ZC3H7B: variants seen among roughly 807,000 people sequenced by gnomAD.
ZC3H7B encodes the protein zinc finger CCCH-type containing 7B, also known as zinc finger CCCH domain-containing protein 7B.
In ZC3H7B, 35 loss-of-function variants were observed where a neutral mutation model predicts 116.0. That is an observed-to-expected ratio of 0.30 (90% CI 0.23 to 0.40). ZC3H7B has a LOEUF of 0.40. Ranked by LOEUF, ZC3H7B falls within the 10% of genes least tolerant of loss-of-function variation. ZC3H7B has a pLI of 1.00. For synonymous variants in ZC3H7B, 502 were observed against 545.6 expected (o/e 0.92, Z 1.11); for missense variants, 1,011 against 1,321.5 (o/e 0.77, Z 3.64).
intron 12 of ZC3H7B, 31 bp downstream of exon 12, chr22:41,342,659 T>A: frequency 2.5e-6 from 4 of 1,573,996 alleles, no homozygotes; most frequent in Non-Finnish European, 2.6e-6. Flanking sequence ...TCCACCCCTC[T>A]GCCCAGAGAA....
chr22:41,351,736 A>G lies in ZC3H7B; in HGVS notation c.2034+90A>G. On this transcript the variant is annotated intron_variant, in intron 17 of 22. Transcript: ENST00000352645. This position sits in a 1 kb window ranked among gnomAD's most constrained non-coding sequence, Gnocchi z 5.1. ...AAGGCTCTAATTTTACAATAGAGAA[A>G]TGTTTACAATGGAGGCACCTCGAAT... The G allele has an allele frequency of 2.4e-6, 3 of 1,269,124 alleles. No homozygotes were observed. The South Asian group carries it at 4.0e-5, about 17-fold the overall frequency. 78.6% of individuals were successfully genotyped at this position (1,269,124 alleles called of 1,614,324 possible).
chr22:41,308,954 A>C (rs1054786865), intron 1 of ZC3H7B, among the ~76,000 whole-genome samples: 2 of 148,422 alleles, frequency 1.3e-5, no homozygotes, highest in Non-Finnish European at 3.0e-5. Context: ...CTGGCTACCT[A>C]TCTCTCTTAA....
intron 1 of ZC3H7B, among the ~76,000 whole-genome samples, chr22:41,309,029 T>A (rs2036083590): frequency 7.2e-6 from 1 of 139,324 alleles, no homozygotes; most frequent in East Asian, 1.9e-4. Context: ...TTTTTTTTTT[T>A]GAGACGGAGT....
At position 41,349,388 on chromosome 22, in the gene ZC3H7B, G is replaced by C; in HGVS notation, c.1948+87G>C. ...TGAAGGGAGCGCAGGACTGACTGGG[G>C]TGACAGGCCAGGGCCCCATGGTCGC... On this transcript the variant is annotated intron_variant, in intron 16 of 22. Coordinates refer to ENST00000352645, the MANE Select transcript of ZC3H7B (RefSeq NM_017590.6). The surrounding 1 kb of genome is among the most constrained non-coding windows in gnomAD (Gnocchi z 4.9). The C allele has an allele frequency of 6.5e-7, 1 of 1,538,408 alleles. No homozygotes were observed. Among genetic ancestry groups the C allele is most frequent in the South Asian group, 1.2e-5 (1 of 82,318 alleles).
intron 1 of ZC3H7B, among the ~76,000 whole-genome samples, chr22:41,317,788 CAAAG>C (rs879454228): frequency 6.6e-6 from 1 of 151,952 alleles, no homozygotes; most frequent in Admixed American, 6.6e-5. Flanking sequence ...TATCTCAAAA[CAAAG>C]AAATTTTTTT....
In ZC3H7B at chr22:41,351,445, T is replaced by G. The variant is rs1162028254; in HGVS notation, c.1949-116T>G. The G allele has an allele frequency of 3.6e-6, 3 of 833,436 alleles. No individual in the cohort carries two copies. The highest frequency in any genetic ancestry group is 5.6e-6 in the Non-Finnish European group (3 of 535,310). The allele number at this position is 833,436 out of a possible 1,614,324, so 51.6% of individuals were successfully genotyped here. A position where few individuals can be genotyped will look rare whatever the true frequency, so the allele number is the denominator to read the frequency against. ...ACCCCATGTCTTACTGTGGCTGGGCTGAGAATAGGGCTCCTCCAGCTGGGC... is the reference window on the plus strand; with the variant it reads ...ACCCCATGTCTTACTGTGGCTGGGCGGAGAATAGGGCTCCTCCAGCTGGGC... On this transcript the variant is annotated intron_variant, in intron 16 of 22. Transcript: ENST00000352645. This position sits in a 1 kb window ranked among gnomAD's most constrained non-coding sequence, Gnocchi z 5.1.
intron 13 of ZC3H7B, among the ~76,000 whole-genome samples, chr22:41,345,005 G>C (rs755083152): frequency 1.3e-5 from 2 of 151,984 alleles, no homozygotes; most frequent in Non-Finnish European, 2.9e-5. Flanking sequence ...GTAGAGATAG[G>C]GTTCTTAATT....
chr22:41,345,340 C>A (rs941765167), intron 13 of ZC3H7B, among the ~76,000 whole-genome samples: 2 of 152,064 alleles, frequency 1.3e-5, no homozygotes, highest in African/African-American at 4.8e-5. Context: ...AATCCCAGCA[C>A]TTTGGGAGGC....
At position 41,325,613 on chromosome 22, in the gene ZC3H7B, CA is replaced by C. The variant is rs2036307709; in HGVS notation, c.87+17del. 6.2e-7 allele frequency: 1 copy of C among 1,611,388 alleles called. No homozygotes were observed. The highest frequency in any genetic ancestry group is 1.3e-5 in the African/African-American group (1 of 74,884). Reference sequence around the variant, plus strand: ...AGAATATGAGGTGAGTGTCAGCTGCCAGGCTGAGCAAAGGTGAAGGGCGGAG... The same window carrying C: ...AGAATATGAGGTGAGTGTCAGCTGCCGGCTGAGCAAAGGTGAAGGGCGGAG... On this transcript the variant is annotated intron_variant, in intron 3 of 22. Transcript: ENST00000352645.
intron 17 of ZC3H7B, among the ~76,000 whole-genome samples, chr22:41,354,499 G>A (rs1157639436): frequency 6.6e-6 from 1 of 152,194 alleles, no homozygotes; most frequent in African/African-American, 2.4e-5. Context: ...ACGGTGGGGA[G>A]TAGGCCACAG....
chr22:41,343,614 G>A lies in ZC3H7B; in HGVS notation c.1459+38G>A, dbSNP rs199675222. On this transcript the variant is annotated intron_variant, in intron 13 of 22. Transcript: ENST00000352645. ...CAGCGGGGCAGGCAGCACAGCTGGG[G>A]CCCAGCCCCTCCACCCCCAGCCGCT... 1.7e-4 allele frequency: 260 copies of A among 1,539,316 alleles called. 4 individuals are homozygous for A. In the East Asian group the frequency reaches 5.9e-3, roughly 35 times the overall value.
intron 13 of ZC3H7B, 141 bp from the exon 14 acceptor site, chr22:41,345,862 G>C (rs2036577865): frequency 1.2e-6 from 1 of 820,694 alleles, no homozygotes; most frequent in Admixed American, 2.0e-5. Flanking sequence ...GCAGCCCCTG[G>C]CTCACCTAGC....
chr22:41,328,258 T>C (rs956703819), intron 5 of ZC3H7B, among the ~76,000 whole-genome samples: 4 of 152,222 alleles, frequency 2.6e-5, no homozygotes, highest in Admixed American at 2.6e-4. Context: ...GCAGGTTTCA[T>C]CCGCACCACA....
rs375150421 is a variant in ZC3H7B at position 41,328,745 on chromosome 22, G to A, written c.445-1278G>A. The stretch of plus-strand genomic sequence containing the variant: ...GATCACTAAGTGTGGTCCAGGCACT[G>A]TTACAAGCTTTCTATGCCCTGCCTC... On this transcript the variant is annotated intron_variant, in intron 5 of 22. Coordinates refer to ENST00000352645, the MANE Select transcript of ZC3H7B (RefSeq NM_017590.6). 6.6e-5 allele frequency among the ~76,000 whole-genome samples: 10 copies of A among 152,274 alleles called. No individual in the cohort carries two copies. In the South Asian group the frequency reaches 1.4e-3, roughly 22 times the overall value.
intron 1 of ZC3H7B, among the ~76,000 whole-genome samples, chr22:41,316,661 C>T (rs1202632005): frequency 2.1e-5 from 3 of 142,536 alleles, no homozygotes; most frequent in Non-Finnish European, 3.0e-5. Context: ...TGCAGTGGCA[C>T]GATCACGGTT....
intron 9 of ZC3H7B, 125 bp from the exon 10 acceptor site, chr22:41,339,691 C>A: frequency 1.2e-6 from 1 of 843,950 alleles, no homozygotes. Context: ...AGCCCTGCTC[C>A]CACATGGGAC....
chr22:41,342,693 T>C, intron 12 of ZC3H7B, 65 bp downstream of exon 12: 1 of 1,441,918 alleles, frequency 6.9e-7, no homozygotes, highest in Admixed American at 2.0e-5. Context: ...GAACATGGGA[T>C]CCCAGATCAA....
At chr22:41,326,685 AG>A (rs1412720253) in intron 4 of ZC3H7B, among the ~76,000 whole-genome samples, 1 of 152,144 alleles carries the variant, frequency 6.6e-6, no homozygotes, top group Admixed American at 6.6e-5. Context: ...CCACTGACTC[AG>A]GTTCATGAGA....
chr22:41,317,903 G>A (rs557610932), intron 1 of ZC3H7B, among the ~76,000 whole-genome samples: 2 of 152,288 alleles, frequency 1.3e-5, no homozygotes, highest in East Asian at 1.9e-4. Context: ...CCATCTCTGC[G>A]GTGTCACTGA....
Sources: gnomAD v4.1 joint callset for allele counts (sites outside exome capture counted in the v4.1 genomes callset) on GRCh38, gnomAD v4.1.1 for gene constraint, Gnocchi (gnomAD v3.1) non-coding constraint, MANE v1.5 for transcripts, NCBI Gene and HGNC (gene_info 2026-07-23, HGNC 2026-07-21) for gene names.